The following SMCHD1 variants were observed in gnomAD, a reference collection of about 807,000 sequenced individuals.
SMCHD1 encodes structural maintenance of chromosomes flexible hinge domain-containing protein 1.
SMCHD1 carries 78 observed loss-of-function variants against 254.7 expected under a neutral mutation model. The ratio of observed to expected loss-of-function variants is 0.31; its 90% CI spans 0.26 to 0.37. SMCHD1 has a LOEUF of 0.37. Among genes scored for constraint, SMCHD1 ranks in the 10% least tolerant of loss-of-function variants. The pLI is 1.00. For missense variants in SMCHD1, 1,840 were observed against 2,408.1 expected (o/e 0.76, Z 4.94); for synonymous variants, 766 against 794.9 (o/e 0.96, Z 0.61).
chr18:2,802,457 G>C, intron 47 of SMCHD1, 71 bp from the exon 48 acceptor site: 3 of 1,145,358 alleles, frequency 2.6e-6, no homozygotes, highest in South Asian at 2.9e-5. Flanking sequence ...AAGCATTCAG[G>C]TGTGATGAGG....
intron 10 of SMCHD1, among the ~76,000 whole-genome samples, chr18:2,700,282 T>C (rs1191738289): frequency 3.3e-5 from 5 of 152,198 alleles, no homozygotes; most frequent in Non-Finnish European, 5.9e-5. Context: ...AAGACTCTTT[T>C]AGCCTCATGA....
At position 2,721,136 on chromosome 18, in the gene SMCHD1, A is replaced by G. The variant is rs375620908; in HGVS notation, c.2459-1383A>G. 8.5e-5 allele frequency among the ~76,000 whole-genome samples: 13 copies of G among 152,276 alleles called. No homozygotes were observed. The East Asian group carries it at 2.5e-3, about 29-fold the overall frequency. On this transcript the variant is annotated intron_variant, in intron 19 of 47. Coordinates refer to ENST00000320876, the MANE Select transcript of SMCHD1 (RefSeq NM_015295.3). The stretch of plus-strand genomic sequence containing the variant: ...CTTTATACAGCCATTCCTGAGACTT[A>G]TGGGCGTCTGATAACGGTGAATCAG...
intron 40 of SMCHD1, among the ~76,000 whole-genome samples, chr18:2,771,948 A>C (rs553580028): frequency 6.6e-6 from 1 of 152,272 alleles, no homozygotes; most frequent in Admixed American, 6.5e-5. Flanking sequence ...TTTAAAATTT[A>C]TATTCTTTTA....
At chr18:2,658,456 G>A (rs1173341546) in intron 1 of SMCHD1, among the ~76,000 whole-genome samples, 1 of 152,182 alleles carries the variant, frequency 6.6e-6, no homozygotes, top group Admixed American at 6.5e-5. Flanking sequence ...GTAGGGAACA[G>A]ATGTATTTAT....
intron 3 of SMCHD1, among the ~76,000 whole-genome samples, chr18:2,670,971 T>A (rs2073581297): frequency 6.9e-6 from 1 of 145,568 alleles, no homozygotes; most frequent in African/African-American, 2.7e-5. Context: ...GGAGTTTGGC[T>A]TGTTGCCCAG....
Position 2,688,642 on chromosome 18 carries a change from TG to T in SMCHD1, c.769del (p.Ala257GlnfsTer55). 6.4e-7 allele frequency: 1 copy of T among 1,558,874 alleles called. No individual in the cohort carries two copies. Among genetic ancestry groups the T allele is most frequent in the East Asian group, 2.4e-5 (1 of 42,258 alleles). ...GQSARMISKP[A>X]DSQDVHELVL... ...ATATTTAACAGATGATAAGCAAACC[TG>T]CAGATTCCCAAGATGTTCACGAGCT... On this transcript the variant is annotated frameshift_variant, in exon 7 of 48. Coordinates refer to ENST00000320876, the MANE Select transcript of SMCHD1 (RefSeq NM_015295.3). LOFTEE classifies it high-confidence loss of function.
At chr18:2,712,231 C>CT (rs35669047) in intron 17 of SMCHD1, among the ~76,000 whole-genome samples, 70,312 of 142,094 alleles carry the variant, frequency 0.49, 17,886 homozygotes, top group East Asian at 0.8. Flanking sequence ...TTTCTTTTTC[C>CT]TTTTTTTTTT....
chr18:2,770,149 G>T (rs776942672), intron 39 of SMCHD1, 41 bp downstream of exon 39: 1 of 1,580,342 alleles, frequency 6.3e-7, no homozygotes, highest in Non-Finnish European at 8.6e-7. Context: ...ATGCTTTGGG[G>T]AATGATGAGG....
In SMCHD1 at chr18:2,747,535, T is replaced by C. The variant is rs781318656; in HGVS notation, c.3815T>C (p.Ile1272Thr). 2 of 1,605,926 alleles carry C rather than the reference T, an allele frequency of 1.2e-6. No individual in the cohort carries two copies. Among genetic ancestry groups the C allele is most frequent in the East Asian group, 2.2e-5 (1 of 44,688 alleles). Reference protein sequence around the residue: ...WPELKESIPVINGRDLQNPII... With the variant: ...WPELKESIPVTNGRDLQNPII... ...TATTCTTTTCAGTCCATTCCAGTGA[T>C]TAATGGAAGAGATTTACAGAACCCT... Residue 1272 changes from isoleucine (I) to threonine (T), a missense_variant, in exon 30 of 48, where the codon ATT (isoleucine) becomes ACT (threonine). By Grantham distance (89) the Ile-to-Thr change is moderately conservative (BLOSUM62 -1). This residue lies in a region of SMCHD1 where 881 missense variants were observed against 1,009.5 expected (regional missense o/e 0.87). Transcript: ENST00000320876.
At position 2,753,867 on chromosome 18, in the gene SMCHD1, C is replaced by T. The variant is rs141931160; in HGVS notation, c.4346+1315C>T. ...CCACCGTGCCCGGCCCTTCCCAACA[C>T]GGTTTTGTGGGTCTTTTCAGGTGTA... On this transcript the variant is annotated intron_variant, in intron 34 of 47. Coordinates refer to ENST00000320876, the MANE Select transcript of SMCHD1 (RefSeq NM_015295.3). 4.0e-3 allele frequency among the ~76,000 whole-genome samples: 616 copies of T among 152,146 alleles called. 2 individuals are homozygous for T. The highest frequency in any genetic ancestry group is 0.013 in the African/African-American group (550 of 41,488).
At chr18:2,667,462 T>TGCTAG (rs2073471634) in intron 3 of SMCHD1, among the ~76,000 whole-genome samples, 1 of 152,268 alleles carries the variant, frequency 6.6e-6, no homozygotes, top group Admixed American at 6.5e-5. Context: ...CTTTACTACT[T>TGCTAG]GCTAGTTTCT....
At chr18:2,751,429 A>T (rs377473577) in intron 33 of SMCHD1, 36 bp downstream of exon 33, 1 of 1,187,714 alleles carries the variant, frequency 8.4e-7, no homozygotes, top group African/African-American at 1.6e-5. Flanking sequence ...AGTTAAAAAT[A>T]GTTCTTACAT....
At chr18:2,776,045 A>G (rs1167816244) in intron 42 of SMCHD1, 121 bp downstream of exon 42, 2 of 881,166 alleles carry the variant, frequency 2.3e-6, no homozygotes, top group Non-Finnish European at 3.3e-6. Flanking sequence ...CTTGAATTAT[A>G]TACGTTATTT....
intron 20 of SMCHD1, among the ~76,000 whole-genome samples, chr18:2,723,275 A>T (rs529654841): frequency 1.2e-4 from 18 of 152,226 alleles, no homozygotes; most frequent in Admixed American, 8.5e-4. Flanking sequence ...GGGTTTTTTT[A>T]AAAGCTTTCT....
chr18:2,795,615 A>G (rs933557444), intron 45 of SMCHD1, among the ~76,000 whole-genome samples: 1 of 152,212 alleles, frequency 6.6e-6, no homozygotes, highest in Non-Finnish European at 1.5e-5. Context: ...ATTTGTCCAC[A>G]TGGAATTATA....
chr18:2,678,253 T>TTC (rs775833042), intron 5 of SMCHD1, among the ~76,000 whole-genome samples: 2,665 of 114,242 alleles, frequency 0.023, 46 homozygotes, highest in Middle Eastern at 0.11. Flanking sequence ...CGTTCTTTCT[T>TTC]TCTCTCTCTC....
rs566191697 is a variant in SMCHD1 at position 2,662,906 on chromosome 18, ACTTT to A, written c.187-3246_187-3243del. Among the ~76,000 whole-genome samples the A allele has an allele frequency of 2.1e-3, 322 of 152,204 alleles. 1 individual carries two copies. Among genetic ancestry groups the A allele is most frequent in the African/African-American group, 7.1e-3 (296 of 41,526 alleles). On this transcript the variant is annotated intron_variant, in intron 1 of 47. Coordinates refer to ENST00000320876, the MANE Select transcript of SMCHD1 (RefSeq NM_015295.3). ...TTTACTAAAGTATGCCAAATTAATT[ACTTT>A]CTTTATGTTTGACTTTTTTTCAGTC...
At chr18:2,777,066 C>A (rs560442902) in intron 42 of SMCHD1, among the ~76,000 whole-genome samples, 1 of 147,326 alleles carries the variant, frequency 6.8e-6, no homozygotes, top group Non-Finnish European at 1.5e-5. Context: ...ACCACCTCCC[C>A]CCCCCATACC....
At chr18:2,667,156 C>G (rs563766896) in intron 3 of SMCHD1, 125 bp downstream of exon 3, 2 of 699,632 alleles carry the variant, frequency 2.9e-6, no homozygotes, top group Admixed American at 5.9e-5. Flanking sequence ...CACTCATTTT[C>G]TTTCTTACTC....
Sources: allele counts gnomAD v4.1 joint callset (sites outside exome capture counted in the v4.1 genomes callset), GRCh38; gene constraint gnomAD v4.1.1; regional missense constraint gnomAD v4.1.1; transcripts MANE v1.5; gene names NCBI Gene and HGNC (gene_info 2026-07-23, HGNC 2026-07-21).